CSNK1G3: variants seen among roughly 807,000 people sequenced by gnomAD.
CSNK1G3 encodes casein kinase I isoform gamma-3.
In CSNK1G3, 23 loss-of-function variants were observed where a neutral mutation model predicts 64.3. The observed-to-expected ratio is 0.36, with a 90% CI of 0.26 to 0.51. CSNK1G3 has a LOEUF of 0.51. Among genes scored for constraint, CSNK1G3 ranks in the 20% least tolerant of loss-of-function variants. CSNK1G3 has a pLI of 0.96. For missense variants in CSNK1G3, 357 were observed against 510.5 expected, an observed-to-expected ratio of 0.70 and a Z score of 2.90; for synonymous variants, 158 against 162.2, an observed-to-expected ratio of 0.97 and a Z score of 0.20.
chr5:123,607,326 C>A (rs541835958), intron 12 of CSNK1G3, among the ~76,000 whole-genome samples: 1 of 152,268 alleles, frequency 6.6e-6, no homozygotes, highest in South Asian at 2.1e-4. Flanking sequence ...TTGAAACTTA[C>A]TGAATTTCTT....
At chr5:123,537,808 A>C (rs2150167126) in intron 1 of CSNK1G3, among the ~76,000 whole-genome samples, 1 of 152,268 alleles carries the variant, frequency 6.6e-6, no homozygotes, top group Admixed American at 6.5e-5. Context: ...TCTTTCCTGC[A>C]GAAAGTTTCC....
intron 1 of CSNK1G3, among the ~76,000 whole-genome samples, chr5:123,542,262 T>G (rs2150220836): frequency 6.6e-6 from 1 of 152,310 alleles, no homozygotes; most frequent in South Asian, 2.1e-4. Flanking sequence ...CTCAATAATT[T>G]TCAAGAAGGA....
intron 2 of CSNK1G3, among the ~76,000 whole-genome samples, chr5:123,549,614 C>G (rs755034980): frequency 6.6e-5 from 10 of 152,204 alleles, no homozygotes; most frequent in Non-Finnish European, 1.2e-4. Context: ...CATTGCCTTT[C>G]GCTGGGAAAC....
chr5:123,551,484 A>C (rs1783637038), intron 2 of CSNK1G3, among the ~76,000 whole-genome samples: 2 of 152,196 alleles, frequency 1.3e-5, no homozygotes, highest in African/African-American at 4.8e-5. Context: ...TATTGAGTTT[A>C]TGACACCTAT....
exon 1 of CSNK1G3, chr5:123,512,360 C>A (rs539422246): frequency 6.6e-6 from 1 of 152,554 alleles, no homozygotes; most frequent in Non-Finnish European, 1.5e-5. Context: ...AGTGCAGGGA[C>A]CGAATCCGAG....
At chr5:123,588,406 G>A in intron 7 of CSNK1G3, 21 bp from the exon 8 acceptor site, 1 of 1,560,166 alleles carries the variant, frequency 6.4e-7, no homozygotes, top group South Asian at 1.1e-5. Context: ...ACATTCTCAA[G>A]ATTTTTTTTT....
intron 10 of CSNK1G3, among the ~76,000 whole-genome samples, chr5:123,598,956 T>TG (rs1436137665): frequency 1.3e-5 from 2 of 152,150 alleles, no homozygotes; most frequent in East Asian, 3.9e-4. Flanking sequence ...TAGTTGGGTA[T>TG]GGGGCTGACG....
At chr5:123,591,796 G>C (rs1232230852) in intron 10 of CSNK1G3, among the ~76,000 whole-genome samples, 1 of 152,006 alleles carries the variant, frequency 6.6e-6, no homozygotes, top group Non-Finnish European at 1.5e-5. Flanking sequence ...AAGTAAAGAA[G>C]ACTGTATAAC....
chr5:123,549,140 T>A (rs1783156308), intron 2 of CSNK1G3, among the ~76,000 whole-genome samples: 1 of 152,214 alleles, frequency 6.6e-6, no homozygotes, highest in African/African-American at 2.4e-5. Context: ...CTTCTGTGTT[T>A]GTAGTTTTAT....
rs367867477 is a variant in CSNK1G3 at position 123,539,033 on chromosome 5, G to T, written c.-247-6384G>T. On this transcript the variant is annotated intron_variant, in intron 1 of 12. Transcript: ENST00000345990. The stretch of plus-strand genomic sequence containing the variant: ...TTAAAAATGCATTTTTGTAGAGACG[G>T]GGTTTTGCTTTGTTTCTCAGCCTGG... 3.0e-3 allele frequency among the ~76,000 whole-genome samples: 450 copies of T among 152,082 alleles called. 7 individuals carry two copies. The highest frequency in any genetic ancestry group is 0.01 in the African/African-American group (435 of 41,486).
chr5:123,568,503 G>A (rs1466346957), intron 4 of CSNK1G3, among the ~76,000 whole-genome samples: 2 of 152,182 alleles, frequency 1.3e-5, no homozygotes, highest in East Asian at 3.8e-4. Context: ...TGTTTGCTCA[G>A]CTCATGAGGC....
At chr5:123,555,686 C>T (rs1784491681) in intron 3 of CSNK1G3, among the ~76,000 whole-genome samples, 2 of 152,104 alleles carry the variant, frequency 1.3e-5, no homozygotes, top group African/African-American at 4.8e-5. Context: ...ATGAAAATGT[C>T]ATCCTGGGGA....
At chr5:123,530,743 A>G (rs558937000) in intron 1 of CSNK1G3, among the ~76,000 whole-genome samples, 2 of 152,366 alleles carry the variant, frequency 1.3e-5, no homozygotes, top group African/African-American at 4.8e-5. Context: ...CAAGTTTCAA[A>G]ACTGTAAAGT....
chr5:123,603,403 A>T (rs1794814509), intron 10 of CSNK1G3, among the ~76,000 whole-genome samples: 1 of 152,082 alleles, frequency 6.6e-6, no homozygotes, highest in African/African-American at 2.4e-5. Context: ...ATTCATGCAT[A>T]CATGCATTCA....
At chr5:123,548,089 A>C (rs1782897800) in intron 2 of CSNK1G3, among the ~76,000 whole-genome samples, 2 of 152,146 alleles carry the variant, frequency 1.3e-5, no homozygotes, top group South Asian at 4.1e-4. Context: ...CAATAAAGGT[A>C]CTGTTGGTAT....
At chr5:123,590,906 A>T (rs964054509) in intron 9 of CSNK1G3, among the ~76,000 whole-genome samples, 22 of 152,128 alleles carry the variant, frequency 1.4e-4, no homozygotes, top group African/African-American at 5.1e-4. Flanking sequence ...CTTCAAGTCA[A>T]AATATTGGAA....
intron 10 of CSNK1G3, among the ~76,000 whole-genome samples, chr5:123,598,328 G>A (rs540379551): frequency 1.8e-4 from 28 of 152,266 alleles, no homozygotes; most frequent in African/African-American, 6.3e-4. Context: ...CTAGGCTCTT[G>A]TAGGTTTTCT....
intron 1 of CSNK1G3, among the ~76,000 whole-genome samples, chr5:123,520,768 T>A (rs1777962408): frequency 6.6e-6 from 1 of 152,072 alleles, no homozygotes; most frequent in Admixed American, 6.5e-5. Context: ...TTTTTTAGTT[T>A]GTTTGGTTTG....
At chr5:123,608,445 A>G (rs1352496213) in intron 12 of CSNK1G3, among the ~76,000 whole-genome samples, 2 of 152,186 alleles carry the variant, frequency 1.3e-5, no homozygotes, top group Non-Finnish European at 2.9e-5. Context: ...TAAGACAGGT[A>G]ATACAAATGA....
Sources: gnomAD v4.1 joint callset for allele counts (sites outside exome capture counted in the v4.1 genomes callset) on GRCh38, gnomAD v4.1.1 for gene constraint, MANE v1.5 for transcripts, NCBI Gene and HGNC (gene_info 2026-07-23, HGNC 2026-07-21) for gene names.